LTBP1: variants seen among roughly 807,000 people sequenced by gnomAD.
LTBP1 encodes the protein latent transforming growth factor beta binding protein 1, also known as latent-transforming growth factor beta-binding protein 1.
LTBP1 carries 129 observed loss-of-function variants against 207.6 expected under a neutral mutation model. That is an observed-to-expected ratio of 0.62 (90% CI 0.54 to 0.72). The LOEUF (loss-of-function observed/expected upper bound fraction) is 0.72. Among genes scored for constraint, LTBP1 ranks in the 30% least tolerant of loss-of-function variants. The pLI, the probability that LTBP1 is intolerant of heterozygous loss-of-function variation, is 0.00. For missense variants in LTBP1, 2,281 were observed against 2,217.2 expected (o/e 1.03, Z -0.58); for synonymous variants, 963 against 833.7 (o/e 1.16, Z -2.67).
intron 5 of LTBP1, among the ~76,000 whole-genome samples, chr2:33,143,967 G>T (rs964606270): frequency 6.6e-6 from 1 of 151,874 alleles, no homozygotes; most frequent in Admixed American, 6.6e-5. Flanking sequence ...TTCCTTGGAG[G>T]GCTATTCTGA....
intron 3 of LTBP1, among the ~76,000 whole-genome samples, chr2:33,092,173 G>A (rs1036919830): frequency 2.0e-5 from 3 of 151,030 alleles, no homozygotes; most frequent in Admixed American, 6.6e-5. Flanking sequence ...GCGTGCACGT[G>A]CGCATGCACA....
intron 23 of LTBP1, among the ~76,000 whole-genome samples, chr2:33,311,160 G>A (rs777708516): frequency 6.6e-6 from 1 of 151,784 alleles, no homozygotes; most frequent in East Asian, 1.9e-4. Context: ...CTATATTACC[G>A]GTCACACCCA....
chr2:33,380,163 T>A (rs1016736703), intron 31 of LTBP1, among the ~76,000 whole-genome samples: 1 of 152,114 alleles, frequency 6.6e-6, no homozygotes, highest in African/African-American at 2.4e-5. Context: ...TTCTGAAAAA[T>A]ATCTAGATGG....
rs144265426 is a variant in LTBP1 at position 33,352,116 on chromosome 2, G to T, written c.4000+4606G>T. On this transcript the variant is annotated intron_variant, in intron 26 of 33. Coordinates refer to ENST00000404816, the MANE Select transcript of LTBP1 (RefSeq NM_206943.4). ...AAATTAATCACCATTTCCTCTCCTT[G>T]TGTCTATTTATTTATTTATTTATTT... Among the ~76,000 whole-genome samples the T allele has an allele frequency of 3.3e-3, 509 of 151,958 alleles. 4 individuals carry two copies. The highest frequency in any genetic ancestry group is 0.012 in the African/African-American group (478 of 41,436).
At chr2:33,016,691 A>G (rs914666102) in intron 2 of LTBP1, among the ~76,000 whole-genome samples, 4 of 152,148 alleles carry the variant, frequency 2.6e-5, no homozygotes, top group Non-Finnish European at 5.9e-5. Context: ...GGAAAAAGCA[A>G]TCAACTGATG....
chr2:33,144,372 A>G lies in LTBP1; in HGVS notation c.1201+9412A>G, dbSNP rs1480555657. ...GCTTCAATATCATATGGCCAAGACA[A>G]TATTGTAGCACCATGTCCTCTCTGC... On this transcript the variant is annotated intron_variant, in intron 5 of 33. Transcript: ENST00000404816. Among the ~76,000 whole-genome samples the G allele has an allele frequency of 2.0e-5, 3 of 152,146 alleles. No individual in the cohort carries two copies. In the East Asian group the frequency reaches 5.8e-4, roughly 29 times the overall value.
intron 31 of LTBP1, among the ~76,000 whole-genome samples, chr2:33,379,642 T>C (rs1413033799): frequency 3.3e-5 from 5 of 152,236 alleles, no homozygotes; most frequent in Non-Finnish European, 7.3e-5. Flanking sequence ...AGGAGGGTCA[T>C]CTCAGATTGA....
intron 9 of LTBP1, among the ~76,000 whole-genome samples, chr2:33,232,628 G>C (rs2091852086): frequency 6.6e-6 from 1 of 152,092 alleles, no homozygotes. Context: ...ATAAAATCCA[G>C]AACCCAGTTA....
intron 2 of LTBP1, among the ~76,000 whole-genome samples, chr2:32,966,998 C>G (rs558793684): frequency 9.9e-5 from 15 of 152,006 alleles, no homozygotes; most frequent in African/African-American, 3.4e-4. Flanking sequence ...TCCTGGCTTG[C>G]TGTTTTCTGT....
At chr2:33,083,579 C>T (rs1212958143) in intron 3 of LTBP1, among the ~76,000 whole-genome samples, 3 of 152,164 alleles carry the variant, frequency 2.0e-5, no homozygotes, top group African/African-American at 4.8e-5. Context: ...CTAGCATGGT[C>T]CCTGCAGGGG....
At chr2:33,018,335 G>A (rs1486076340) in intron 2 of LTBP1, among the ~76,000 whole-genome samples, 3 of 152,032 alleles carry the variant, frequency 2.0e-5, no homozygotes, top group Admixed American at 2.0e-4. Context: ...GCCAGCTTTT[G>A]CACCAAACAG....
chr2:33,004,454 TC>T (rs1243024305), intron 2 of LTBP1, among the ~76,000 whole-genome samples: 33 of 152,040 alleles, frequency 2.2e-4, no homozygotes. Flanking sequence ...ACCATACAAT[TC>T]CCTTAACGTA....
intron 2 of LTBP1, among the ~76,000 whole-genome samples, chr2:32,999,023 C>G (rs1182467480): frequency 6.6e-6 from 1 of 152,164 alleles, no homozygotes; most frequent in Admixed American, 6.5e-5. Flanking sequence ...CTTATGAGGC[C>G]CCACCCAGAC....
intron 2 of LTBP1, among the ~76,000 whole-genome samples, chr2:33,013,837 T>C (rs1277437175): frequency 6.6e-6 from 1 of 152,126 alleles, no homozygotes; most frequent in Non-Finnish European, 1.5e-5. Context: ...ACACAGCTCT[T>C]GGGGAGCTGG....
intron 10 of LTBP1, among the ~76,000 whole-genome samples, chr2:33,251,511 CAA>C (rs1558886138): frequency 6.6e-6 from 1 of 151,728 alleles, no homozygotes; most frequent in Non-Finnish European, 1.5e-5. Context: ...ATTCAAAGAA[CAA>C]AATTAGCCGG....
intron 7 of LTBP1, among the ~76,000 whole-genome samples, chr2:33,205,975 A>C (rs1467506447): frequency 6.6e-6 from 1 of 152,122 alleles, no homozygotes; most frequent in Non-Finnish European, 1.5e-5. Flanking sequence ...TTGGTACCAT[A>C]ATCTTGGGTT....
intron 4 of LTBP1, among the ~76,000 whole-genome samples, chr2:33,119,699 A>G (rs879827201): frequency 4.6e-5 from 7 of 152,128 alleles, no homozygotes; most frequent in Admixed American, 2.6e-4. Flanking sequence ...CTGGGACTAC[A>G]GGCGCCTGCC....
chr2:33,341,770 A>T (rs957260582), intron 24 of LTBP1, among the ~76,000 whole-genome samples: 4 of 148,316 alleles, frequency 2.7e-5, no homozygotes, highest in Non-Finnish European at 4.5e-5. Flanking sequence ...AAAAATAATA[A>T]AAGAGAAAAT....
chr2:33,195,223 T>C (rs1558793477), intron 7 of LTBP1, among the ~76,000 whole-genome samples: 1 of 152,232 alleles, frequency 6.6e-6, no homozygotes, highest in African/African-American at 2.4e-5. Flanking sequence ...TCAAGTCTTA[T>C]TATTTAAGAA....
Sources: gnomAD v4.1 joint callset for allele counts (sites outside exome capture counted in the v4.1 genomes callset) on GRCh38, gnomAD v4.1.1 for gene constraint, MANE v1.5 for transcripts, NCBI Gene and HGNC (gene_info 2026-07-23, HGNC 2026-07-21) for gene names.